Variants in ECSIT observed in about 807,000 individuals in gnomAD.
The protein encoded by ECSIT is ECSIT signaling integrator.
ECSIT carries 29 observed loss-of-function variants against 36.8 expected under a neutral mutation model. That is an observed-to-expected ratio of 0.79 (90% confidence interval 0.59 to 1.08). The LOEUF (loss-of-function observed/expected upper bound fraction) is 1.08, where lower values mean the gene tolerates loss of function less well. ECSIT is among the 50% of genes least tolerant of loss of function. ECSIT has a pLI of 0.00. For synonymous variants in ECSIT, 231 were observed against 234.8 expected (o/e 0.98, Z 0.15); for missense variants, 542 against 581.0 (o/e 0.93, Z 0.69).
At chr19:11,507,398 G>A (rs544534253) in intron 7 of ECSIT, 59 bp downstream of exon 7, 2 of 1,407,950 alleles carry the variant, frequency 1.4e-6, no homozygotes, top group South Asian at 2.3e-5. Context: ...ACCTCAGCCT[G>A]TAGGAGGGCT....
In ECSIT at chr19:11,506,305, CG is replaced by C; in HGVS notation, c.1174del (p.Arg392AlafsTer82). The C allele has an allele frequency of 6.2e-7, 1 of 1,613,090 alleles. No homozygotes were observed. The highest frequency in any genetic ancestry group is 8.5e-7 in the Non-Finnish European group (1 of 1,179,860). On this transcript the variant is annotated frameshift_variant, in exon 8 of 8. Coordinates refer to ENST00000270517, the MANE Select transcript of ECSIT (RefSeq NM_016581.5). LOFTEE classifies it low-confidence loss of function (END_TRUNC). ...GAGCTCCCGGGTGGACCCGGCGAGG[CG>C]GAAGACCACGGGGATCTGGGCCAGG... ...PTLAQIPVVF[R>X]LAGSTRELQT...
intron 1 of ECSIT, 156 bp downstream of exon 1, chr19:11,528,906 G>A (rs1405574213): frequency 1.3e-5 from 2 of 152,248 alleles, no homozygotes; most frequent in South Asian, 4.1e-4. Flanking sequence ...CAAGACAGGC[G>A]GCCTTTCCCA....
chr19:11,522,429 G>A lies in ECSIT; in HGVS notation c.-23-3236C>T. The A allele has an allele frequency of 2.1e-6, 3 of 1,445,028 alleles. No individual in the cohort carries two copies. The African/African-American group carries it at 4.2e-5, about 20-fold the overall frequency. 89.5% of individuals were successfully genotyped at this position (1,445,028 alleles called of 1,614,324 possible). On this transcript the variant is annotated intron_variant, in intron 1 of 7. Transcript: ENST00000270517. ...AAGACTCCAAGATCAAGTTCCCGCT[G>A]CCCCACCAGGTCCTGCGCCATCAGC...
intron 1 of ECSIT, chr19:11,523,761 T>C (rs547309936): frequency 2.9e-5 from 20 of 678,516 alleles, no homozygotes; most frequent in Middle Eastern, 4.3e-4. Flanking sequence ...AGTTGTGTAG[T>C]AGTTAAGGAC....
In ECSIT at chr19:11,513,296, C is replaced by G; in HGVS notation, c.515-17G>C. 6.2e-7 allele frequency: 1 copy of G among 1,606,662 alleles called. No homozygotes were observed. The highest frequency in any genetic ancestry group is 8.5e-7 in the Non-Finnish European group (1 of 1,173,600). On this transcript the variant is annotated splice_polypyrimidine_tract_variant and intron_variant, in intron 3 of 7. Coordinates refer to ENST00000270517, the MANE Select transcript of ECSIT (RefSeq NM_016581.5). ...GCATCACACCTGTGCTGGGCAGATGCAGGCAGAACCTCAGAGATGGAGGGG... is the reference window on the plus strand; with the variant it reads ...GCATCACACCTGTGCTGGGCAGATGGAGGCAGAACCTCAGAGATGGAGGGG...
intron 2 of ECSIT, among the ~76,000 whole-genome samples, chr19:11,514,641 C>T (rs1051016596): frequency 3.3e-5 from 5 of 151,814 alleles, no homozygotes; most frequent in African/African-American, 1.2e-4. Flanking sequence ...TCCTCCTCAC[C>T]CTGTCCAGCA....
At chr19:11,526,719 C>CTTTT (rs549859600) in intron 1 of ECSIT, among the ~76,000 whole-genome samples, 1 of 131,738 alleles carries the variant, frequency 7.6e-6, no homozygotes, top group Non-Finnish European at 1.6e-5. Context: ...CCAGAGGGAG[C>CTTTT]TTTTTTTTTT....
chr19:11,523,911 G>C (rs1418792331), intron 1 of ECSIT: 3 of 381,668 alleles, frequency 7.9e-6, no homozygotes, highest in Non-Finnish European at 1.5e-5. Context: ...ACAACAGTGG[G>C]CTATTAGTAG....
At chr19:11,515,320 G>T (rs183049256) in intron 2 of ECSIT, among the ~76,000 whole-genome samples, 58 of 151,150 alleles carry the variant, frequency 3.8e-4, no homozygotes, top group Admixed American at 1.9e-3. Flanking sequence ...AGTCAGGATG[G>T]TCTCGATCTC....
At chr19:11,520,988 T>C (rs896126164) in intron 1 of ECSIT, among the ~76,000 whole-genome samples, 2 of 152,054 alleles carry the variant, frequency 1.3e-5, no homozygotes, top group Non-Finnish European at 2.9e-5. Flanking sequence ...GTATTTTTAG[T>C]AGAGATAGGG....
chr19:11,514,350 C>T, intron 2 of ECSIT, 129 bp from the exon 3 acceptor site: 2 of 882,766 alleles, frequency 2.3e-6, no homozygotes, highest in Non-Finnish European at 3.4e-6. Context: ...ACTGTGGTTA[C>T]AAACCCAAGA....
At chr19:11,515,257 C>CGG (rs1971968110) in intron 2 of ECSIT, among the ~76,000 whole-genome samples, 1 of 151,976 alleles carries the variant, frequency 6.6e-6, no homozygotes, top group Non-Finnish European at 1.5e-5. Flanking sequence ...GCGCCTGCCA[C>CGG]CACGCCCAGC....
chr19:11,525,661 G>A (rs1972199128), intron 1 of ECSIT: 1 of 151,782 alleles, frequency 6.6e-6, no homozygotes, highest in Non-Finnish European at 1.5e-5. Flanking sequence ...CAGCACGTTG[G>A]GAGGTCCAGG....
Position 11,513,791 on chromosome 19 carries a change from C to A in ECSIT, c.514+13G>T. 3 of 1,613,788 alleles carry A rather than the reference C, an allele frequency of 1.9e-6. No homozygotes were observed. The South Asian group carries it at 3.3e-5, about 18-fold the overall frequency. ...AGCCCACTCCCCACCCTGCGCCAGC[C>A]TCCTGGCCTCACCGTGGTTCTCCAT... On this transcript the variant is annotated intron_variant, in intron 3 of 7. Transcript: ENST00000270517.
chr19:11,508,200 TC>T, intron 4 of ECSIT, 152 bp from the exon 5 acceptor site: 1 of 918,584 alleles, frequency 1.1e-6, no homozygotes, highest in Non-Finnish European at 1.7e-6. Context: ...CCTCCCTCTG[TC>T]CCATTTGGCA....
intron 2 of ECSIT, among the ~76,000 whole-genome samples, chr19:11,517,805 C>T (rs1433104224): frequency 1.3e-5 from 2 of 152,050 alleles, no homozygotes; most frequent in Non-Finnish European, 2.9e-5. Context: ...CCACCATCAT[C>T]GTTATTGCTA....
chr19:11,518,149 G>A (rs1028537184), intron 2 of ECSIT, among the ~76,000 whole-genome samples: 2 of 151,994 alleles, frequency 1.3e-5, no homozygotes, highest in East Asian at 1.9e-4. Flanking sequence ...ATTAGCGGCC[G>A]GGTGCGGTGG....
intron 1 of ECSIT, among the ~76,000 whole-genome samples, chr19:11,527,930 G>T (rs1291431924): frequency 6.6e-6 from 1 of 152,056 alleles, no homozygotes; most frequent in Admixed American, 6.6e-5. Flanking sequence ...GGAGTTTGAG[G>T]CTGCAGTGAG....
chr19:11,506,414 CAGGGCCTT>C lies in ECSIT; in HGVS notation c.1058_1065del (p.Glu353GlyfsTer11). On this transcript the variant is annotated frameshift_variant, in exon 8 of 8. Coordinates refer to ENST00000270517, the MANE Select transcript of ECSIT (RefSeq NM_016581.5). LOFTEE classifies it low-confidence loss of function (END_TRUNC). ...GCACCCGCCATGCACATGGCGAAGA[CAGGGCCTT>C]CCTCCACTGTTGGAAGACATGCACC... The C allele has an allele frequency of 6.2e-7, 1 of 1,612,156 alleles. No homozygotes were observed. The highest frequency in any genetic ancestry group is 8.5e-7 in the Non-Finnish European group (1 of 1,178,814).
Sources: allele counts gnomAD v4.1 joint callset (sites outside exome capture counted in the v4.1 genomes callset), GRCh38; gene constraint gnomAD v4.1.1; transcripts MANE v1.5; gene names NCBI Gene and HGNC (gene_info 2026-07-23, HGNC 2026-07-21).